The following CNTN1 variants were observed in gnomAD, a reference collection of about 807,000 sequenced individuals.
CNTN1 encodes contactin-1.
CNTN1 carries 38 observed loss-of-function variants against 126.4 expected under a neutral mutation model. The ratio of observed to expected loss-of-function variants is 0.30; its 90% confidence interval spans 0.23 to 0.39. The LOEUF is 0.39. CNTN1 is among the 10% of genes least tolerant of loss of function. The probability of loss-of-function intolerance (pLI) is 1.00; values close to 1 mark genes in which losing one functional copy is unlikely to be tolerated. For missense variants in CNTN1, 1,009 were observed against 1,248.4 expected (o/e 0.81, Z 2.89); for synonymous variants, 413 against 422.6 (o/e 0.98, Z 0.28).
intron 1 of CNTN1, among the ~76,000 whole-genome samples, chr12:40,697,025 C>G (rs1941467597): frequency 6.6e-6 from 1 of 151,952 alleles, no homozygotes; most frequent in Non-Finnish European, 1.5e-5. Context: ...TTTTGGCTGT[C>G]AATATTCTAT....
chr12:40,837,334 G>A (rs532548464), intron 1 of CNTN1, among the ~76,000 whole-genome samples: 22 of 152,314 alleles, frequency 1.4e-4, no homozygotes, highest in Non-Finnish European at 2.2e-4. Flanking sequence ...GAGAGAGACA[G>A]TCTGCCTGCC....
chr12:40,770,923 T>C (rs1269392077), intron 1 of CNTN1, among the ~76,000 whole-genome samples: 1 of 152,098 alleles, frequency 6.6e-6, no homozygotes, highest in Non-Finnish European at 1.5e-5. Flanking sequence ...GGCGGGTGCA[T>C]TATGAAACTA....
chr12:40,737,787 A>G (rs1937761687), intron 1 of CNTN1, among the ~76,000 whole-genome samples: 1 of 152,050 alleles, frequency 6.6e-6, no homozygotes, highest in African/African-American at 2.4e-5. Flanking sequence ...CTAGCATTAC[A>G]TTACTACCAA....
At chr12:40,972,906 C>T (rs188345630) in intron 15 of CNTN1, among the ~76,000 whole-genome samples, 72 of 152,144 alleles carry the variant, frequency 4.7e-4, no homozygotes, top group Non-Finnish European at 6.9e-4. Context: ...TTTTAGGGTA[C>T]ATGTGCACAA....
At chr12:40,906,229 C>G (rs1489140691) in intron 1 of CNTN1, among the ~76,000 whole-genome samples, 1 of 152,134 alleles carries the variant, frequency 6.6e-6, no homozygotes, top group East Asian at 1.9e-4. Flanking sequence ...CGAGACTGCA[C>G]CACTGCACTC....
chr12:41,041,681 A>G (rs1315125659), intron 23 of CNTN1, among the ~76,000 whole-genome samples: 1 of 152,014 alleles, frequency 6.6e-6, no homozygotes, highest in Admixed American at 6.6e-5. Flanking sequence ...CATTTCTTCT[A>G]GATTTTCTAG....
At chr12:40,967,062 G>A (rs1472690062) in intron 15 of CNTN1, among the ~76,000 whole-genome samples, 1 of 152,078 alleles carries the variant, frequency 6.6e-6, no homozygotes, top group African/African-American at 2.4e-5. Context: ...TCGGCCAGGG[G>A]AGGCAGAGGC....
chr12:40,820,373 CA>C (rs1941406659), intron 1 of CNTN1, among the ~76,000 whole-genome samples: 1 of 152,192 alleles, frequency 6.6e-6, no homozygotes, highest in African/African-American at 2.4e-5. Flanking sequence ...GACAAATATT[CA>C]AACCATAGCA....
chr12:40,760,790 A>G (rs1938829970), intron 1 of CNTN1, among the ~76,000 whole-genome samples: 1 of 151,882 alleles, frequency 6.6e-6, no homozygotes, highest in Non-Finnish European at 1.5e-5. Flanking sequence ...GACAACTTCA[A>G]AAAATAAATA....
At chr12:40,738,436 G>T (rs1200767806) in intron 1 of CNTN1, among the ~76,000 whole-genome samples, 1 of 152,042 alleles carries the variant, frequency 6.6e-6, no homozygotes, top group African/African-American at 2.4e-5. Context: ...ATATGTGGGT[G>T]ACTTTTGTGT....
rs142601979 is a variant in CNTN1 at position 41,015,465 on chromosome 12, A to G, written c.2184+1167A>G. On this transcript the variant is annotated intron_variant, in intron 18 of 23. Coordinates refer to ENST00000551295, the MANE Select transcript of CNTN1 (RefSeq NM_001843.4). The stretch of plus-strand genomic sequence containing the variant: ...TGAAATTTTCATAGCTGATTCTGTT[A>G]TACTCTAAATTCCAAAAACTAAGTA... Among the ~76,000 whole-genome samples, 478 of 152,276 alleles carry G rather than the reference A, an allele frequency of 3.1e-3. 1 individual carries two copies. Among genetic ancestry groups the G allele is most frequent in the African/African-American group, 0.011 (454 of 41,576 alleles).
At chr12:40,712,368 G>A (rs919907384) in intron 1 of CNTN1, among the ~76,000 whole-genome samples, 7 of 152,136 alleles carry the variant, frequency 4.6e-5, no homozygotes, top group African/African-American at 1.4e-4. Flanking sequence ...CAATGTAATA[G>A]TAGTGGATAG....
At chr12:40,720,690 A>C (rs1942180466) in intron 1 of CNTN1, among the ~76,000 whole-genome samples, 1 of 152,086 alleles carries the variant, frequency 6.6e-6, no homozygotes, top group Non-Finnish European at 1.5e-5. Context: ...GTACTTTGGG[A>C]AGCTAAGGCG....
At chr12:41,048,105 G>A (rs543756621) in intron 23 of CNTN1, among the ~76,000 whole-genome samples, 2 of 152,142 alleles carry the variant, frequency 1.3e-5, no homozygotes, top group South Asian at 2.1e-4. Context: ...TACTCACTTG[G>A]CTAAAGGAGT....
At chr12:40,737,285 ATGTG>A (rs34925321) in intron 1 of CNTN1, among the ~76,000 whole-genome samples, 1 of 141,150 alleles carries the variant, frequency 7.1e-6, no homozygotes, top group Non-Finnish European at 1.5e-5. Context: ...TAGGATATAT[ATGTG>A]TGTGTGTGTG....
At chr12:40,770,663 C>T (rs1447291853) in intron 1 of CNTN1, among the ~76,000 whole-genome samples, 1 of 151,914 alleles carries the variant, frequency 6.6e-6, no homozygotes, top group Admixed American at 6.6e-5. Context: ...GTCTAGATGC[C>T]ATATAAGGAA....
At chr12:40,857,221 G>C (rs909006046) in intron 1 of CNTN1, among the ~76,000 whole-genome samples, 1 of 151,666 alleles carries the variant, frequency 6.6e-6, no homozygotes, top group Admixed American at 6.6e-5. Context: ...GGTAGACTTA[G>C]AGTCAATTTT....
chr12:40,908,416 CT>C lies in CNTN1; in HGVS notation c.-15del, dbSNP rs1944911762. 6.2e-7 allele frequency: 1 copy of C among 1,611,406 alleles called. No homozygotes were observed. Among genetic ancestry groups the C allele is most frequent in the Non-Finnish European group, 8.5e-7 (1 of 1,178,150 alleles). On this transcript the variant is annotated 5_prime_UTR_variant, in exon 2 of 24. Transcript: ENST00000551295. ...TTCTTTTTTGGAAAATTGAACCGAA[CT>C]TCTACTGAATACAAGATGAAAATGT...
chr12:41,029,285 C>A, intron 23 of CNTN1, 66 bp downstream of exon 23: 1 of 1,546,862 alleles, frequency 6.5e-7, no homozygotes, highest in South Asian at 1.1e-5. Flanking sequence ...TGTGGATTCC[C>A]AAGGGTAGGG....
Sources: allele counts gnomAD v4.1 joint callset (sites outside exome capture counted in the v4.1 genomes callset), GRCh38; gene constraint gnomAD v4.1.1; transcripts MANE v1.5; gene names NCBI Gene and HGNC (gene_info 2026-07-23, HGNC 2026-07-21).